FSIP2: variants seen among roughly 807,000 people sequenced by gnomAD.
FSIP2 encodes the protein fibrous sheath-interacting protein 2.
In FSIP2, 367 loss-of-function variants were observed where a neutral mutation model predicts 510.5. The observed-to-expected ratio is 0.72, with a 90% CI of 0.66 to 0.78. The LOEUF is 0.78. FSIP2 is among the 30% of genes least tolerant of loss of function. The probability of loss-of-function intolerance (pLI) is 0.00; values close to 1 mark genes in which losing one functional copy is unlikely to be tolerated. For synonymous variants in FSIP2, 2,601 were observed against 2,732.2 expected (o/e 0.95, Z 1.50); for missense variants, 7,594 against 7,901.7 (o/e 0.96, Z 1.48).
rs1693520474 is a variant in FSIP2 at position 185,804,745 on chromosome 2, G to A, written c.15439G>A (p.Asp5147Asn). The change falls in exon 17 of 23, where the codon GAT (aspartate) becomes AAT (asparagine). Residue 5147 changes from aspartate (D) to asparagine (N), a missense_variant. Asp to Asn is a conservative substitution (Grantham distance 23). Transcript: ENST00000424728. The part of the protein sequence containing the change: ...NELKEKKFPP[D>N]DEFVEAASKL... Reference sequence around the variant, plus strand: ...ACTAAAAGAGAAAAAGTTTCCACCGGATGATGAATTTGTGGAGGCAGCTTC... The same window carrying A: ...ACTAAAAGAGAAAAAGTTTCCACCGAATGATGAATTTGTGGAGGCAGCTTC... 6.5e-6 allele frequency: 10 copies of A among 1,530,216 alleles called. No individual in the cohort carries two copies. The highest frequency in any genetic ancestry group is 1.4e-5 in the African/African-American group (1 of 72,514). The allele number at this position is 1,530,216 out of a possible 1,614,324, so 94.8% of individuals were successfully genotyped here.
chr2:185,751,162 A>G (rs1393689163), intron 7 of FSIP2, among the ~76,000 whole-genome samples: 1 of 151,388 alleles, frequency 6.6e-6, no homozygotes, highest in Non-Finnish European at 1.5e-5. Flanking sequence ...TTGTTCTCTC[A>G]ATTATTGAGA....
At chr2:185,782,603 G>A (rs972322465) in intron 13 of FSIP2, 102 bp from the exon 14 acceptor site, 32 of 723,086 alleles carry the variant, frequency 4.4e-5, no homozygotes, top group Admixed American at 3.6e-4. Context: ...GCCTGTAAAC[G>A]AGGCAGTGAT....
At position 185,801,269 on chromosome 2, in the gene FSIP2, C is replaced by T. The variant is rs113773415; in HGVS notation, c.11963C>T (p.Ser3988Phe). 7.6e-4 allele frequency: 1,159 copies of T among 1,533,822 alleles called. 7 individuals carry two copies. The highest frequency in any genetic ancestry group is 7.2e-4 in the Non-Finnish European group (828 of 1,145,380). The change falls in exon 17 of 23, where the codon TCT becomes TTT. Residue 3988 changes from serine to phenylalanine, a missense_variant. Transcript: ENST00000424728. ...GIISELFFNL[S>F]MSLWGKNKNI... ...ATTTCAGAATTGTTTTTTAATCTCT[C>T]TATGTCATTGTGGGGCAAAAATAAA...
intron 13 of FSIP2, among the ~76,000 whole-genome samples, chr2:185,780,943 A>G (rs1377093592): frequency 6.6e-6 from 1 of 152,228 alleles, no homozygotes; most frequent in Admixed American, 6.5e-5. Flanking sequence ...ACTCAAGGTC[A>G]TAGAAAACAT....
chr2:185,799,838 CT>C lies in FSIP2; in HGVS notation c.10534del (p.Ser3512ArgfsTer84). On this transcript the variant is annotated frameshift_variant, in exon 17 of 23. Coordinates refer to ENST00000424728, the MANE Select transcript of FSIP2 (RefSeq NM_173651.4). LOFTEE classifies it high-confidence loss of function. ...ACTGAGTCAGTACTTTACCATTTAACTTCGAGCATTTCTGATGGCACCAAAA... is the reference window on the plus strand; with the variant it reads ...ACTGAGTCAGTACTTTACCATTTAACTCGAGCATTTCTGATGGCACCAAAA... ...HLTESVLYHL[T>X]SSISDGTKKG... The C allele has an allele frequency of 6.5e-7, 1 of 1,532,610 alleles. No homozygotes were observed. Among genetic ancestry groups the C allele is most frequent in the Non-Finnish European group, 8.7e-7 (1 of 1,144,574 alleles). 94.9% of individuals were successfully genotyped at this position (1,532,610 alleles called of 1,614,324 possible). A position where few individuals can be genotyped will look rare whatever the true frequency, so the allele number is the denominator to read the frequency against.
chr2:185,737,335 G>C (rs1403114877), upstream of FSIP2, among the ~76,000 whole-genome samples: 2 of 152,226 alleles, frequency 1.3e-5, no homozygotes, highest in African/African-American at 4.8e-5. Flanking sequence ...GCTGAGGGCA[G>C]TTGGGAGTTT....
At chr2:185,786,991 T>A (rs143975160) in intron 15 of FSIP2, among the ~76,000 whole-genome samples, 1 of 151,952 alleles carries the variant, frequency 6.6e-6, no homozygotes, top group East Asian at 1.9e-4. Context: ...ACGTTAGAAA[T>A]ATATCCCTCT....
intron 16 of FSIP2, among the ~76,000 whole-genome samples, chr2:185,798,844 C>T (rs1456866800): frequency 6.6e-6 from 1 of 151,844 alleles, no homozygotes; most frequent in Non-Finnish European, 1.5e-5. Flanking sequence ...CAAGGTCTTC[C>T]AGTGACTTCG....
rs539305188 is a variant in FSIP2 at position 185,785,918 on chromosome 2, C to T, written c.1470-334C>T. Among the ~76,000 whole-genome samples the T allele has an allele frequency of 8.2e-4, 124 of 152,018 alleles. 1 individual carries two copies. Among genetic ancestry groups the T allele is most frequent in the African/African-American group, 2.9e-3 (122 of 41,504 alleles). ...TTAGCAGTCAGAAGGGACTCATCTG[C>T]CCACTTCCTGCAAATCCTATATCCA... is the stretch of plus-strand genomic sequence containing the variant. On this transcript the variant is annotated intron_variant, in intron 14 of 22. Coordinates refer to ENST00000424728, the MANE Select transcript of FSIP2 (RefSeq NM_173651.4).
Position 185,795,660 on chromosome 2 carries a change from G to T in FSIP2, c.8524G>T (p.Asp2842Tyr). The change falls in exon 16 of 23, where the codon GAC (aspartate) becomes TAC (tyrosine). Residue 2842 changes from aspartate (D) to tyrosine (Y), a missense_variant. Coordinates refer to ENST00000424728, the MANE Select transcript of FSIP2 (RefSeq NM_173651.4). ...PREGIFKKLF[D>Y]KWQTESNDKE... ...AGAAGGTATATTTAAAAAATTGTTT[G>T]ACAAGTGGCAAACAGAATCAAATGA... is the stretch of plus-strand genomic sequence containing the variant. 1 of 1,534,024 alleles carries T rather than the reference G, an allele frequency of 6.5e-7. No individual in the cohort carries two copies. Among genetic ancestry groups the T allele is most frequent in the South Asian group, 1.2e-5 (1 of 83,844 alleles).
intron 13 of FSIP2, chr2:185,766,549 C>CA (rs1692486859): frequency 6.8e-6 from 1 of 146,796 alleles, no homozygotes; most frequent in Admixed American, 6.8e-5. Flanking sequence ...TTTATGCAGC[C>CA]AAAAAACACA....
chr2:185,816,794 T>C (rs1693833390), intron 19 of FSIP2, among the ~76,000 whole-genome samples: 1 of 151,476 alleles, frequency 6.6e-6, no homozygotes, highest in African/African-American at 2.4e-5. Flanking sequence ...AGTTCAAAGT[T>C]ACAGTGAGCT....
In FSIP2 at chr2:185,805,385, T is replaced by C. The variant is rs1229686346; in HGVS notation, c.16079T>C (p.Ile5360Thr). 1.9e-6 allele frequency: 3 copies of C among 1,598,394 alleles called. No individual in the cohort carries two copies. Among genetic ancestry groups the C allele is most frequent in the Admixed American group, 1.8e-5 (1 of 56,754 alleles). ...KISNFVYEQF[I>T]EKCTSHDIQK... is the part of the protein sequence containing the mutation. The stretch of plus-strand genomic sequence containing the variant: ...TCCAATTTTGTATATGAACAGTTCA[T>C]AGAAAAATGCACATCTCATGATATT... Residue 5360 changes from isoleucine (I) to threonine (T), a missense_variant, in exon 17 of 23, where the codon ATA (isoleucine) becomes ACA (threonine). Transcript: ENST00000424728.
rs1244549235 is a variant in FSIP2, at chr2:185,796,909, T to C, written c.9773T>C (p.Met3258Thr). 1 of 1,534,820 alleles carries C rather than the reference T, an allele frequency of 6.5e-7. No homozygotes were observed. Among genetic ancestry groups the C allele is most frequent in the Non-Finnish European group, 8.7e-7 (1 of 1,146,248 alleles). The change falls in exon 16 of 23, where the codon ATG becomes ACG. Residue 3258 changes from methionine (M) to threonine (T), a missense_variant. Transcript: ENST00000424728. ...AACTTTGGTAGTTTTGATCAGACCA[T>C]GAAAGGAAATAGCTACCTCCCTGAA... Reference protein sequence around the residue: ...ESNFGSFDQTMKGNSYLPEGS... With the variant: ...ESNFGSFDQTTKGNSYLPEGS...
chr2:185,752,033 CT>C (rs1011111788), intron 7 of FSIP2, among the ~76,000 whole-genome samples: 6 of 150,568 alleles, frequency 4.0e-5, no homozygotes, highest in South Asian at 2.1e-4. Flanking sequence ...GCTCTTCATT[CT>C]TTTTTTGTAT....
intron 7 of FSIP2, among the ~76,000 whole-genome samples, chr2:185,750,874 TC>T (rs1355297939): frequency 1.3e-5 from 2 of 151,620 alleles, no homozygotes; most frequent in Non-Finnish European, 3.0e-5. Flanking sequence ...TCATTTAGCT[TC>T]TAAATATTTG....
intron 21 of FSIP2, among the ~76,000 whole-genome samples, chr2:185,829,182 T>C (rs1694066937): frequency 6.6e-6 from 1 of 151,828 alleles, no homozygotes; most frequent in South Asian, 2.1e-4. Flanking sequence ...CTGGACTCCT[T>C]CTGCTTTTGT....
Position 185,803,556 on chromosome 2 carries a change from T to C in FSIP2, c.14250T>C (p.Asn4750=), listed in dbSNP as rs760304654. The change falls in exon 17 of 23, where the codon AAT becomes AAC. Residue 4750 remains asparagine (N), a synonymous_variant. Coordinates refer to ENST00000424728, the MANE Select transcript of FSIP2 (RefSeq NM_173651.4). ...DFQIHPDLIA[N]LPFKSHSKLS... ...AAATTCATCCAGATCTTATAGCAAATCTGCCTTTTAAATCACATTCCAAAC... is the reference window on the plus strand; with the variant it reads ...AAATTCATCCAGATCTTATAGCAAACCTGCCTTTTAAATCACATTCCAAAC... 3.3e-5 allele frequency: 51 copies of C among 1,532,966 alleles called. No homozygotes were observed. Among genetic ancestry groups the C allele is most frequent in the Non-Finnish European group, 4.5e-5 (51 of 1,144,932 alleles). 95.0% of individuals were successfully genotyped at this position (1,532,966 alleles called of 1,614,324 possible). A position where few individuals can be genotyped will look rare whatever the true frequency, so the allele number is the denominator to read the frequency against.
chr2:185,738,312 A>G, upstream of FSIP2: 1 of 364,422 alleles, frequency 2.7e-6, no homozygotes, highest in South Asian at 2.7e-5. Flanking sequence ...GAGAGGAGGC[A>G]GTGGGAGAGT....
Sources: allele counts gnomAD v4.1 joint callset (sites outside exome capture counted in the v4.1 genomes callset), GRCh38; gene constraint gnomAD v4.1.1; transcripts MANE v1.5; gene names NCBI Gene and HGNC (gene_info 2026-07-23, HGNC 2026-07-21).